The following MACROD2 variants were observed in gnomAD, a reference collection of about 807,000 sequenced individuals.
MACROD2 encodes ADP-ribose glycohydrolase MACROD2.
A neutral mutation model predicts 70.4 loss-of-function variants in MACROD2; 36 were observed. The observed-to-expected ratio is 0.51, with a 90% CI of 0.39 to 0.68. The LOEUF (loss-of-function observed/expected upper bound fraction) is 0.68. Among genes scored for constraint, MACROD2 ranks in the 30% least tolerant of loss-of-function variants. The probability of loss-of-function intolerance (pLI) is 0.00; values close to 1 mark genes in which losing one functional copy is unlikely to be tolerated. For missense variants in MACROD2, 496 were observed against 538.4 expected, an observed-to-expected ratio of 0.92 and a Z score of 0.78; for synonymous variants, 172 against 178.8, an observed-to-expected ratio of 0.96 and a Z score of 0.30.
intron 3 of MACROD2, among the ~76,000 whole-genome samples, chr20:14,334,066 T>C (rs1465392732): frequency 6.6e-6 from 1 of 152,224 alleles, no homozygotes; most frequent in Non-Finnish European, 1.5e-5. Flanking sequence ...TCCCTGACAC[T>C]TGATTTTAGG....
intron 3 of MACROD2, among the ~76,000 whole-genome samples, chr20:14,152,168 G>C (rs1380762547): frequency 2.0e-5 from 3 of 151,926 alleles, no homozygotes; most frequent in African/African-American, 7.3e-5. Context: ...AATTAACTAA[G>C]CTACATACTT....
chr20:14,248,965 C>T (rs373002684), intron 3 of MACROD2, among the ~76,000 whole-genome samples: 71 of 152,174 alleles, frequency 4.7e-4, no homozygotes, highest in African/African-American at 1.6e-3. Context: ...ATTTAAATAG[C>T]ACTGATTAGC....
intron 5 of MACROD2, among the ~76,000 whole-genome samples, chr20:14,885,184 T>A (rs2073658585): frequency 6.6e-6 from 1 of 152,314 alleles, no homozygotes; most frequent in East Asian, 1.9e-4. Flanking sequence ...TTAATATCTG[T>A]CTGATACTAC....
rs533597818 is a variant in MACROD2, at chr20:15,847,766, C to G, written c.646-14979C>G. Among the ~76,000 whole-genome samples the G allele has an allele frequency of 1.1e-4, 16 of 152,202 alleles. No individual in the cohort carries two copies. The East Asian group carries it at 2.3e-3, about 22-fold the overall frequency. On this transcript the variant is annotated intron_variant, in intron 8 of 17. Transcript: ENST00000684519. ...TATTGTTCTTTTTTTCCATATACCC[C>G]CAGTGAGAAAGGTTGACATTTAGTT...
chr20:15,610,289 A>C (rs1340266410), intron 8 of MACROD2, among the ~76,000 whole-genome samples: 3 of 152,182 alleles, frequency 2.0e-5, no homozygotes, highest in African/African-American at 7.2e-5. Flanking sequence ...TTAAAATAAC[A>C]GAAATGTATT....
intron 3 of MACROD2, among the ~76,000 whole-genome samples, chr20:14,347,133 A>G (rs2083072209): frequency 6.6e-6 from 1 of 152,232 alleles, no homozygotes; most frequent in Admixed American, 6.5e-5. Context: ...AAGTTTTTGA[A>G]GAGATAGTAA....
At chr20:14,758,196 T>G (rs1194507263) in intron 5 of MACROD2, 1 of 270,002 alleles carries the variant, frequency 3.7e-6, no homozygotes. Context: ...TAGTGTCTCC[T>G]TTGCTGCGTA....
chr20:15,400,308 G>A (rs1335280424), intron 6 of MACROD2, among the ~76,000 whole-genome samples: 2 of 152,146 alleles, frequency 1.3e-5, no homozygotes, highest in African/African-American at 4.8e-5. Flanking sequence ...TGAACCCCAG[G>A]ACACCCTCTT....
intron 5 of MACROD2, among the ~76,000 whole-genome samples, chr20:14,709,386 CAT>C (rs1315286599): frequency 6.6e-6 from 1 of 152,100 alleles, no homozygotes; most frequent in Non-Finnish European, 1.5e-5. Flanking sequence ...GATGCACACA[CAT>C]ATACAAACAC....
intron 2 of MACROD2, chr20:14,003,777 GGTT>G: frequency 2.8e-6 from 1 of 354,978 alleles, no homozygotes; most frequent in Non-Finnish European, 5.2e-6. Flanking sequence ...CTTGTACAAA[GGTT>G]AAAAAAAAAA....
chr20:14,867,736 A>G (rs953054888), intron 5 of MACROD2, among the ~76,000 whole-genome samples: 1 of 152,094 alleles, frequency 6.6e-6, no homozygotes, highest in African/African-American at 2.4e-5. Context: ...TTCTAGACAA[A>G]TGGAATGGCT....
At chr20:14,173,717 T>C (rs1336275155) in intron 3 of MACROD2, among the ~76,000 whole-genome samples, 1 of 152,106 alleles carries the variant, frequency 6.6e-6, no homozygotes, top group Non-Finnish European at 1.5e-5. Flanking sequence ...ACCAGAATTG[T>C]TTTTCTAGTT....
Position 14,462,362 on chromosome 20 carries a change from C to T in MACROD2, c.272-31117C>T, listed in dbSNP as rs192732391. 2.4e-3 allele frequency among the ~76,000 whole-genome samples: 370 copies of T among 152,170 alleles called. 1 individual carries two copies. The highest frequency in any genetic ancestry group is 8.5e-3 in the African/African-American group (353 of 41,454). On this transcript the variant is annotated intron_variant, in intron 3 of 17. Transcript: ENST00000684519. Reference sequence around the variant, plus strand: ...GAGAATTGTCTGTTCATATCCTTCACCCACTTTTTGATGGGGTTGTTTGTT... The same window carrying T: ...GAGAATTGTCTGTTCATATCCTTCATCCACTTTTTGATGGGGTTGTTTGTT...
At chr20:15,041,619 T>A (rs1190505347) in intron 5 of MACROD2, among the ~76,000 whole-genome samples, 1 of 152,088 alleles carries the variant, frequency 6.6e-6, no homozygotes, top group Non-Finnish European at 1.5e-5. Context: ...TTTTTAAACA[T>A]TTTTTGTAGT....
At chr20:15,791,788 A>C (rs1280339225) in intron 8 of MACROD2, among the ~76,000 whole-genome samples, 1 of 152,020 alleles carries the variant, frequency 6.6e-6, no homozygotes, top group African/African-American at 2.4e-5. Context: ...ATTCTTAGTA[A>C]AATTAGAGAT....
At chr20:15,199,181 C>G (rs2076633794) in intron 5 of MACROD2, among the ~76,000 whole-genome samples, 1 of 151,756 alleles carries the variant, frequency 6.6e-6, no homozygotes, top group African/African-American at 2.4e-5. Flanking sequence ...ATATAGAGAC[C>G]TCATGTCTAC....
intron 4 of MACROD2, among the ~76,000 whole-genome samples, chr20:14,615,781 G>T (rs1284267170): frequency 6.6e-6 from 1 of 152,096 alleles, no homozygotes; most frequent in Admixed American, 6.6e-5. Flanking sequence ...ACAAGCCAAT[G>T]AAATAAACTA....
intron 5 of MACROD2, among the ~76,000 whole-genome samples, chr20:14,887,106 C>T (rs1185199316): frequency 6.6e-6 from 1 of 152,024 alleles, no homozygotes; most frequent in African/African-American, 2.4e-5. Flanking sequence ...ATATTTATTA[C>T]AAAAATTCAT....
intron 3 of MACROD2, among the ~76,000 whole-genome samples, chr20:14,405,291 C>G (rs115077914): frequency 0.059 from 292 of 4,944 alleles, no homozygotes; most frequent in Non-Finnish European, 0.33. Context: ...GAAGACTTAA[C>G]CAAAAAGCCC....
Sources: gnomAD v4.1 joint callset for allele counts (sites outside exome capture counted in the v4.1 genomes callset) on GRCh38, gnomAD v4.1.1 for gene constraint, MANE v1.5 for transcripts, NCBI Gene and HGNC (gene_info 2026-07-23, HGNC 2026-07-21) for gene names.